Variants in INPP4A observed in about 807,000 individuals in gnomAD.
INPP4A encodes inositol polyphosphate-4-phosphatase type I A, also known as inositol polyphosphate-4-phosphatase, type I, 107kD.
In INPP4A, 33 loss-of-function variants were observed where a neutral mutation model predicts 119.8. That is an observed-to-expected ratio of 0.28 (90% CI 0.21 to 0.37). The LOEUF is 0.37. Among genes scored for constraint, INPP4A ranks in the 10% least tolerant of loss-of-function variants. The probability of loss-of-function intolerance (pLI) is 1.00; values close to 1 mark genes in which losing one functional copy is unlikely to be tolerated. For synonymous variants in INPP4A, 496 were observed against 500.7 expected, an observed-to-expected ratio of 0.99 and a Z score of 0.12; for missense variants, 956 against 1,289.9, an observed-to-expected ratio of 0.74 and a Z score of 3.97.
Position 98,591,621 on chromosome 2 carries a change from G to A in INPP4A, c.*4013G>A, listed in dbSNP as rs1700408842. ...TTCTGGTGCTGCGCTTCAGTTTCCT[G>A]TTGAGTCTCTGCTTAGTAGATGACT... On this transcript the variant is annotated 3_prime_UTR_variant, in exon 25 of 25. Coordinates refer to ENST00000409851, the MANE Select transcript of INPP4A (RefSeq NM_001134225.2). 6.6e-6 allele frequency: 1 copy of A among 152,176 alleles called. No individual in the cohort carries two copies. The highest frequency in any genetic ancestry group is 1.5e-5 in the Non-Finnish European group (1 of 68,064). 9.4% of individuals were successfully genotyped at this position (152,176 alleles called of 1,614,324 possible). A position where few individuals can be genotyped will look rare whatever the true frequency, so the allele number is the denominator to read the frequency against.
At chr2:98,482,219 G>A (rs954454188) in intron 1 of INPP4A, among the ~76,000 whole-genome samples, 1 of 152,266 alleles carries the variant, frequency 6.6e-6, no homozygotes. Flanking sequence ...AATGTTTTCT[G>A]TATCCTGCTT....
chr2:98,476,920 C>G (rs929251838), intron 1 of INPP4A, among the ~76,000 whole-genome samples: 21 of 152,208 alleles, frequency 1.4e-4, no homozygotes, highest in African/African-American at 5.1e-4. Flanking sequence ...CCTTGCTGTC[C>G]TTGATCCAGC....
intron 1 of INPP4A, among the ~76,000 whole-genome samples, chr2:98,488,547 C>T (rs1206266535): frequency 6.6e-6 from 1 of 152,230 alleles, no homozygotes; most frequent in Non-Finnish European, 1.5e-5. Flanking sequence ...CAGGCACTCA[C>T]TCTGAAGTCA....
chr2:98,551,673 G>A (rs181393450), intron 13 of INPP4A, among the ~76,000 whole-genome samples: 9 of 152,202 alleles, frequency 5.9e-5, no homozygotes, highest in Admixed American at 2.0e-4. Context: ...AGGTGCCCTC[G>A]CTCCTCCTCT....
chr2:98,512,187 T>C (rs1028457795), intron 1 of INPP4A, among the ~76,000 whole-genome samples: 3 of 152,226 alleles, frequency 2.0e-5, no homozygotes, highest in Non-Finnish European at 4.4e-5. Flanking sequence ...TTTCTTCACA[T>C]ATGTGCTTGC....
intron 1 of INPP4A, among the ~76,000 whole-genome samples, chr2:98,473,538 T>A (rs965329212): frequency 1.3e-5 from 2 of 151,940 alleles, no homozygotes; most frequent in Non-Finnish European, 2.9e-5. Flanking sequence ...GTAGAGGGGC[T>A]GACACCGTGT....
At chr2:98,549,286 A>C (rs1269146632) in intron 13 of INPP4A, among the ~76,000 whole-genome samples, 1 of 152,126 alleles carries the variant, frequency 6.6e-6, no homozygotes, top group African/African-American at 2.4e-5. Context: ...CTGGGTTCTC[A>C]TGTCAGCCCC....
chr2:98,532,499 TG>T (rs1456299474), intron 4 of INPP4A, among the ~76,000 whole-genome samples: 34 of 152,322 alleles, frequency 2.2e-4, no homozygotes, highest in African/African-American at 7.7e-4. Flanking sequence ...CATTTAATGG[TG>T]GGGCTACGTT....
intron 18 of INPP4A, 55 bp downstream of exon 18, chr2:98,563,692 G>T: frequency 6.3e-7 from 1 of 1,575,908 alleles, no homozygotes; most frequent in Non-Finnish European, 8.6e-7. Flanking sequence ...GCTCAGAAAA[G>T]ACAGGCTTAG....
At chr2:98,501,173 T>C (rs1245921488) in intron 1 of INPP4A, among the ~76,000 whole-genome samples, 1 of 151,992 alleles carries the variant, frequency 6.6e-6, no homozygotes, top group Admixed American at 6.6e-5. Flanking sequence ...AAAAATTAGC[T>C]GGGTGTGGTG....
chr2:98,558,693 T>A lies in INPP4A; in HGVS notation c.1823-770T>A, dbSNP rs72821959. Among the ~76,000 whole-genome samples the A allele has an allele frequency of 2.6e-4, 39 of 152,342 alleles. No individual in the cohort carries two copies. In the East Asian group the frequency reaches 6.6e-3, roughly 26 times the overall value. On this transcript the variant is annotated intron_variant, in intron 16 of 24. Transcript: ENST00000409851. ...GACATAAATTAACATAAATGTTTTC[T>A]TCCATGATTCCTTTTCAAACTTGTT... is the stretch of plus-strand genomic sequence containing the variant.
At chr2:98,516,949 T>A (rs539166719) in intron 1 of INPP4A, among the ~76,000 whole-genome samples, 1 of 152,312 alleles carries the variant, frequency 6.6e-6, no homozygotes, top group South Asian at 2.1e-4. Context: ...GTAAGTTTTT[T>A]TTTTAATGCT....
intron 1 of INPP4A, among the ~76,000 whole-genome samples, chr2:98,494,108 C>T (rs1681420311): frequency 6.6e-6 from 1 of 152,198 alleles, no homozygotes; most frequent in African/African-American, 2.4e-5. Context: ...TTCCCATCCG[C>T]TGCCCAGCTC....
chr2:98,532,483 G>A (rs80299527), intron 4 of INPP4A, among the ~76,000 whole-genome samples: 2,385 of 152,156 alleles, frequency 0.016, 69 homozygotes, highest in African/African-American at 0.054. Context: ...AAGTATAGTC[G>A]TGTGTCATTT....
chr2:98,514,379 A>G (rs1364380884), intron 1 of INPP4A, among the ~76,000 whole-genome samples: 2 of 152,088 alleles, frequency 1.3e-5, no homozygotes, highest in Non-Finnish European at 2.9e-5. Context: ...TTGTATGCTA[A>G]TGAGAGAATC....
At chr2:98,559,632 G>T (rs1383797117) in intron 17 of INPP4A, 137 bp downstream of exon 17, 6 of 921,406 alleles carry the variant, frequency 6.5e-6, no homozygotes, top group Non-Finnish European at 9.8e-6. Context: ...TCGTTGTGAG[G>T]CATAAAACAC....
intron 1 of INPP4A, among the ~76,000 whole-genome samples, chr2:98,494,086 C>T (rs1255344431): frequency 6.6e-6 from 1 of 152,194 alleles, no homozygotes; most frequent in Non-Finnish European, 1.5e-5. Context: ...GAACCTGCTC[C>T]TTCCTTCTCT....
intron 17 of INPP4A, among the ~76,000 whole-genome samples, chr2:98,563,085 T>TA (rs1695786521): frequency 6.6e-6 from 1 of 152,218 alleles, no homozygotes; most frequent in Admixed American, 6.5e-5. Context: ...GTGGAGGTGC[T>TA]ACAGGGCTGT....
chr2:98,552,616 A>T, intron 13 of INPP4A, 170 bp from the exon 14 acceptor site: 1 of 741,934 alleles, frequency 1.3e-6, no homozygotes, highest in Non-Finnish European at 2.5e-6. Flanking sequence ...ATAGACAGGA[A>T]GAATCTCCTA....
Sources: gnomAD v4.1 joint callset for allele counts (sites outside exome capture counted in the v4.1 genomes callset) on GRCh38, gnomAD v4.1.1 for gene constraint, MANE v1.5 for transcripts, NCBI Gene and HGNC (gene_info 2026-07-23, HGNC 2026-07-21) for gene names.